Variants in SPTLC3 observed in about 807,000 individuals in gnomAD.
The protein encoded by SPTLC3 is serine palmitoyltransferase long chain base subunit 3.
Under a neutral mutation model 59.3 loss-of-function variants are expected in SPTLC3, and 36 were observed. That is an observed-to-expected ratio of 0.61 (90% CI 0.47 to 0.80). SPTLC3 has a LOEUF of 0.80. Among genes scored for constraint, SPTLC3 ranks in the 30% least tolerant of loss-of-function variants. The pLI is 0.00. For synonymous variants in SPTLC3, 257 were observed against 240.8 expected, an observed-to-expected ratio of 1.07 and a Z score of -0.62; for missense variants, 625 against 685.1, an observed-to-expected ratio of 0.91 and a Z score of 0.98.
chr20:13,137,962 A>G (rs532185468), intron 9 of SPTLC3, among the ~76,000 whole-genome samples: 79 of 152,210 alleles, frequency 5.2e-4, no homozygotes, highest in Non-Finnish European at 9.7e-4. Context: ...ACTTGAGACA[A>G]AGGAAATCTG....
chr20:13,117,043 C>A (rs1284340282), intron 7 of SPTLC3, among the ~76,000 whole-genome samples: 1 of 152,182 alleles, frequency 6.6e-6, no homozygotes, highest in Non-Finnish European at 1.5e-5. Flanking sequence ...AGTTCTGTGT[C>A]TTTTTAATTC....
chr20:13,034,157 T>C (rs978790033), intron 1 of SPTLC3, among the ~76,000 whole-genome samples: 14 of 151,640 alleles, frequency 9.2e-5, no homozygotes, highest in African/African-American at 3.4e-4. Flanking sequence ...TCCCAAAGAG[T>C]TTTTCTCATG....
chr20:13,058,394 G>A (rs1987814296), intron 2 of SPTLC3, among the ~76,000 whole-genome samples: 1 of 152,134 alleles, frequency 6.6e-6, no homozygotes, highest in African/African-American at 2.4e-5. Context: ...TTTCATTGGG[G>A]TATCTCTAGG....
intron 8 of SPTLC3, among the ~76,000 whole-genome samples, chr20:13,123,190 G>T (rs965037449): frequency 6.6e-6 from 1 of 152,098 alleles, no homozygotes; most frequent in African/African-American, 2.4e-5. Context: ...AATTAGCCAG[G>T]AGTGGTGGCA....
intron 9 of SPTLC3, among the ~76,000 whole-genome samples, chr20:13,146,762 A>G (rs1309341550): frequency 6.6e-6 from 1 of 152,186 alleles, no homozygotes; most frequent in African/African-American, 2.4e-5. Context: ...TTGCTCCTGT[A>G]CATAGTGAGT....
intron 1 of SPTLC3, among the ~76,000 whole-genome samples, chr20:13,020,924 T>C (rs1985848084): frequency 6.6e-6 from 1 of 152,170 alleles, no homozygotes; most frequent in Non-Finnish European, 1.5e-5. Context: ...AGATAGTCAA[T>C]AAATGATTAT....
intron 6 of SPTLC3, among the ~76,000 whole-genome samples, chr20:13,097,616 G>A (rs1342053710): frequency 6.6e-6 from 1 of 152,150 alleles, no homozygotes; most frequent in Non-Finnish European, 1.5e-5. Context: ...GAAGTCATCA[G>A]TGAGGGGCAG....
intron 6 of SPTLC3, among the ~76,000 whole-genome samples, chr20:13,108,668 G>A: frequency 6.6e-6 from 1 of 151,726 alleles, no homozygotes; most frequent in East Asian, 1.9e-4. Context: ...TCCGTCTCCT[G>A]GGTTCAAGCA....
chr20:13,164,668 T>C, intron 11 of SPTLC3, 86 bp from the exon 12 acceptor site: 1 of 947,350 alleles, frequency 1.1e-6, no homozygotes, highest in South Asian at 1.5e-5. Context: ...TGTGTGTCTT[T>C]GTGAGGCTTG....
intron 9 of SPTLC3, among the ~76,000 whole-genome samples, chr20:13,128,134 A>G (rs2038036771): frequency 6.6e-6 from 1 of 152,234 alleles, no homozygotes; most frequent in Admixed American, 6.5e-5. Context: ...AATATTTAAC[A>G]TTGTGTCTGG....
At chr20:13,021,541 C>CA in intron 1 of SPTLC3, among the ~76,000 whole-genome samples, 1 of 1,930 alleles carries the variant, frequency 5.2e-4, no homozygotes, top group Non-Finnish European at 1.2e-3. Flanking sequence ...CCCACCACAA[C>CA]AGCCCCCCCA....
chr20:13,070,652 C>A (rs1431038647), intron 2 of SPTLC3, among the ~76,000 whole-genome samples: 2 of 152,146 alleles, frequency 1.3e-5, no homozygotes, highest in African/African-American at 2.4e-5. Flanking sequence ...AAAGGATGAG[C>A]TCTTCCTGCA....
chr20:13,151,250 C>T (rs552178698), intron 9 of SPTLC3, among the ~76,000 whole-genome samples: 2 of 152,318 alleles, frequency 1.3e-5, no homozygotes, highest in South Asian at 4.1e-4. Context: ...ACCATCCTCT[C>T]TAAATTTTTC....
intron 6 of SPTLC3, among the ~76,000 whole-genome samples, chr20:13,096,896 CTG>C (rs1421179896): frequency 6.6e-6 from 1 of 152,096 alleles, no homozygotes; most frequent in African/African-American, 2.4e-5. Context: ...GCTTATTAGA[CTG>C]TGAAACTGTG....
intron 9 of SPTLC3, among the ~76,000 whole-genome samples, chr20:13,137,501 T>C (rs1455740332): frequency 2.0e-5 from 3 of 152,150 alleles, no homozygotes; most frequent in Admixed American, 6.5e-5. Flanking sequence ...TATTTGGCTA[T>C]ATAGTGTTAT....
chr20:13,131,669 A>G (rs1410978119), intron 9 of SPTLC3, among the ~76,000 whole-genome samples: 1 of 152,132 alleles, frequency 6.6e-6, no homozygotes, highest in Non-Finnish European at 1.5e-5. Context: ...CACACAGCCA[A>G]CACTCTCTCT....
rs1988541351 is a variant in SPTLC3 at position 13,073,919 on chromosome 20, C to T, written c.459-430C>T. The T allele has an allele frequency of 7.1e-6, 4 of 565,180 alleles. No homozygotes were observed. The East Asian group carries it at 1.8e-4, about 25-fold the overall frequency. 35.0% of individuals were successfully genotyped at this position (565,180 alleles called of 1,614,324 possible). The stretch of plus-strand genomic sequence containing the variant: ...TGTTGGTTCCCAGAGATGCATTCTT[C>T]ATCCTGGATCATCCAGGGAGGTGTG... On this transcript the variant is annotated intron_variant, in intron 3 of 11. Coordinates refer to ENST00000399002, the MANE Select transcript of SPTLC3 (RefSeq NM_018327.4).
At chr20:13,109,311 T>C (rs1990090977) in intron 6 of SPTLC3, among the ~76,000 whole-genome samples, 3 of 152,216 alleles carry the variant, frequency 2.0e-5, no homozygotes. Flanking sequence ...GGCTTTCACA[T>C]AAGGCAGCAA....
intron 8 of SPTLC3, among the ~76,000 whole-genome samples, chr20:13,119,349 G>C (rs1990771186): frequency 6.6e-6 from 1 of 152,104 alleles, no homozygotes; most frequent in African/African-American, 2.4e-5. Context: ...TTAAACAAAG[G>C]CTCGCGACTA....
Sources: allele counts gnomAD v4.1 joint callset (sites outside exome capture counted in the v4.1 genomes callset), GRCh38; gene constraint gnomAD v4.1.1; transcripts MANE v1.5; gene names NCBI Gene and HGNC (gene_info 2026-07-23, HGNC 2026-07-21).